The following FAT3 variants were observed in gnomAD, a reference collection of about 807,000 sequenced individuals.
FAT3 encodes protocadherin Fat 3.
Under a neutral mutation model 310.2 loss-of-function variants are expected in FAT3, and 95 were observed. The ratio of observed to expected loss-of-function variants is 0.31; its 90% CI spans 0.26 to 0.36. The LOEUF is 0.36. Among genes scored for constraint, FAT3 ranks in the 10% least tolerant of loss-of-function variants. FAT3 has a pLI of 1.00. For missense variants in FAT3, 5,408 were observed against 5,715.6 expected, an observed-to-expected ratio of 0.95 and a Z score of 1.74; for synonymous variants, 2,314 against 2,192.9, an observed-to-expected ratio of 1.06 and a Z score of -1.54.
intron 3 of FAT3, among the ~76,000 whole-genome samples, chr11:92,691,482 A>G (rs891605258): frequency 5.9e-5 from 9 of 152,026 alleles, no homozygotes; most frequent in African/African-American, 1.9e-4. Flanking sequence ...TGTAACCTCA[A>G]ACTCCTGGGC....
intron 1 of FAT3, among the ~76,000 whole-genome samples, chr11:92,278,560 T>C (rs1248753954): frequency 6.6e-6 from 1 of 152,132 alleles, no homozygotes; most frequent in African/African-American, 2.4e-5. Flanking sequence ...TAGACAACTA[T>C]TTAAATATGT....
intron 4 of FAT3, among the ~76,000 whole-genome samples, chr11:92,710,858 G>T (rs1309895438): frequency 6.6e-6 from 1 of 152,144 alleles, no homozygotes; most frequent in Non-Finnish European, 1.5e-5. Context: ...AGTTTCTCAT[G>T]GTGTAAAGCA....
At chr11:92,726,080 T>C (rs1944988282) in intron 4 of FAT3, among the ~76,000 whole-genome samples, 1 of 152,112 alleles carries the variant, frequency 6.6e-6, no homozygotes, top group Admixed American at 6.5e-5. Flanking sequence ...ATAATATAAG[T>C]ATATTAAATT....
intron 3 of FAT3, among the ~76,000 whole-genome samples, chr11:92,567,039 G>T (rs1955481935): frequency 6.6e-6 from 1 of 152,080 alleles, no homozygotes. Context: ...TGACAAATGG[G>T]ATCTAATTAA....
In FAT3 at chr11:92,354,493, C is replaced by G. The variant is rs748338503; in HGVS notation, c.2381C>G (p.Thr794Arg). 3.1e-6 allele frequency: 5 copies of G among 1,613,756 alleles called. No homozygotes were observed. The African/African-American group carries it at 6.7e-5, about 22-fold the overall frequency. ...CTTATGCCCATGGATCGAGAACACA[C>G]AGACCTCTATCTCCTTAATATCACC... ...KVLMPMDREHTDLYLLNITIY... is the reference protein window; with the variant it reads ...KVLMPMDREHRDLYLLNITIY... The change falls in exon 2 of 28, where the codon ACA (threonine) becomes AGA (arginine). Residue 794 changes from threonine (T) to arginine (R), a missense_variant. Thr to Arg is a moderately conservative substitution (Grantham distance 71, BLOSUM62 -1). This residue lies in a region of FAT3 where 4,588 missense variants were observed against 4,809.8 expected (regional missense o/e 0.95). Coordinates refer to ENST00000525166, the MANE Select transcript of FAT3 (RefSeq NM_001367949.2).
intron 3 of FAT3, among the ~76,000 whole-genome samples, chr11:92,658,130 T>C (rs1419836902): frequency 6.6e-6 from 1 of 152,184 alleles, no homozygotes; most frequent in African/African-American, 2.4e-5. Context: ...CAAAATCCAA[T>C]GTGCATTTTA....
At chr11:92,325,895 G>A (rs1947750858) in intron 1 of FAT3, among the ~76,000 whole-genome samples, 1 of 152,218 alleles carries the variant, frequency 6.6e-6, no homozygotes, top group Non-Finnish European at 1.5e-5. Context: ...CTCCCAAAGT[G>A]CTGGGATTAC....
chr11:92,748,579 A>G (rs1199871405), intron 4 of FAT3, among the ~76,000 whole-genome samples: 2 of 152,100 alleles, frequency 1.3e-5, no homozygotes, highest in African/African-American at 4.8e-5. Context: ...CCACAAGTTT[A>G]TTCAACATAG....
At chr11:92,315,656 G>A (rs539851933) in intron 1 of FAT3, among the ~76,000 whole-genome samples, 10 of 150,914 alleles carry the variant, frequency 6.6e-5, no homozygotes, top group African/African-American at 1.5e-4. Flanking sequence ...CCCGAGTAGC[G>A]GGGACTACAG....
At chr11:92,888,838 TTG>T (rs1949852151) in intron 25 of FAT3, among the ~76,000 whole-genome samples, 1 of 152,040 alleles carries the variant, frequency 6.6e-6, no homozygotes, top group Non-Finnish European at 1.5e-5. Context: ...CCTTTGGGAG[TTG>T]TTAACGATAA....
At chr11:92,305,848 G>C (rs1462248384) in intron 1 of FAT3, among the ~76,000 whole-genome samples, 1 of 152,140 alleles carries the variant, frequency 6.6e-6, no homozygotes, top group African/African-American at 2.4e-5. Flanking sequence ...TAAATTCAGT[G>C]TGAGTTCCTG....
chr11:92,606,383 C>A (rs575293870), intron 3 of FAT3, among the ~76,000 whole-genome samples: 1 of 152,226 alleles, frequency 6.6e-6, no homozygotes, highest in Admixed American at 6.5e-5. Flanking sequence ...GCATGACCTT[C>A]TAGGAGAATG....
intron 2 of FAT3, among the ~76,000 whole-genome samples, chr11:92,521,317 C>A (rs963779984): frequency 3.3e-5 from 5 of 151,964 alleles, no homozygotes; most frequent in Admixed American, 6.6e-5. Flanking sequence ...CTTTCACACA[C>A]AAAAAAATTA....
intron 3 of FAT3, among the ~76,000 whole-genome samples, chr11:92,593,993 A>AC (rs1939575728): frequency 1.3e-5 from 2 of 152,018 alleles, no homozygotes. Context: ...AGAAGCAAGG[A>AC]CCCCTTCTCC....
intron 1 of FAT3, among the ~76,000 whole-genome samples, chr11:92,277,864 T>G (rs574374221): frequency 6.6e-6 from 1 of 151,438 alleles, no homozygotes; most frequent in African/African-American, 2.4e-5. Flanking sequence ...TCAATCTTTT[T>G]TTTTTTAAAA....
At chr11:92,251,654 G>A (rs991698790) in intron 1 of FAT3, among the ~76,000 whole-genome samples, 2 of 152,014 alleles carry the variant, frequency 1.3e-5, no homozygotes, top group African/African-American at 4.8e-5. Context: ...ACTGGGAAAA[G>A]ACCCATGAGT....
intron 4 of FAT3, among the ~76,000 whole-genome samples, chr11:92,708,757 A>G (rs551065890): frequency 6.6e-6 from 1 of 152,250 alleles, no homozygotes; most frequent in East Asian, 1.9e-4. Context: ...GGCACATGGT[A>G]TGCACTCAAA....
At chr11:92,373,762 A>G (rs1371542543) in intron 2 of FAT3, among the ~76,000 whole-genome samples, 25 of 26,478 alleles carry the variant, frequency 9.4e-4, no homozygotes, top group African/African-American at 8.9e-3. Context: ...ATATGTATGC[A>G]CACACACACA....
At chr11:92,724,189 T>C (rs1048991580) in intron 4 of FAT3, among the ~76,000 whole-genome samples, 1 of 152,164 alleles carries the variant, frequency 6.6e-6, no homozygotes, top group Non-Finnish European at 1.5e-5. Flanking sequence ...TAACTGGTGA[T>C]CTAGGATAGA....
Sources: allele counts gnomAD v4.1 joint callset (sites outside exome capture counted in the v4.1 genomes callset), GRCh38; gene constraint gnomAD v4.1.1; regional missense constraint gnomAD v4.1.1; transcripts MANE v1.5; gene names NCBI Gene and HGNC (gene_info 2026-07-23, HGNC 2026-07-21).